The following RPS20 variants were observed in gnomAD, a reference collection of about 807,000 sequenced individuals.
The protein encoded by RPS20 is small ribosomal subunit protein uS10.
Under a neutral mutation model 15.3 loss-of-function variants are expected in RPS20, and 3 were observed. The observed-to-expected ratio is 0.20, with a 90% CI of 0.09 to 0.51. The LOEUF is 0.51. Among genes scored for constraint, RPS20 ranks in the 20% least tolerant of loss-of-function variants. RPS20 has a pLI of 0.96. For synonymous variants in RPS20, 62 were observed against 47.8 expected, an observed-to-expected ratio of 1.30 and a Z score of -1.23; for missense variants, 67 against 145.9, an observed-to-expected ratio of 0.46 and a Z score of 2.79.
downstream of RPS20, among the ~76,000 whole-genome samples, chr8:56,069,050 G>C (rs939098510): frequency 3.6e-5 from 5 of 139,694 alleles, no homozygotes; most frequent in Non-Finnish European, 7.4e-5. Flanking sequence ...CATGGGGTGA[G>C]TTCTTTTTAA....
chr8:56,068,238 T>C (rs908095210), downstream of RPS20: 1 of 152,166 alleles, frequency 6.6e-6, no homozygotes, highest in Non-Finnish European at 1.5e-5. Context: ...TGAAAAATAA[T>C]CAATACAAGT....
chr8:56,071,439 G>C (rs1054583164), downstream of RPS20, among the ~76,000 whole-genome samples: 1 of 152,180 alleles, frequency 6.6e-6, no homozygotes, highest in African/African-American at 2.4e-5. Flanking sequence ...TTTAAATTTA[G>C]CAATGTGGCA....
chr8:56,073,945 T>G, intron 2 of RPS20, 115 bp downstream of exon 2: 1 of 1,138,136 alleles, frequency 8.8e-7, no homozygotes, highest in Non-Finnish European at 1.3e-6. Context: ...CTTTACTTTT[T>G]TAAGTAACTT....
At position 56,073,857 on chromosome 8, in the gene RPS20, A is replaced by C. The variant is rs147903282; in HGVS notation, c.104-89T>G. The C allele has an allele frequency of 2.3e-5, 29 of 1,288,356 alleles. No homozygotes were observed. The African/African-American group carries it at 3.4e-4, about 15-fold the overall frequency. The allele number at this position is 1,288,356 out of a possible 1,614,324, so 79.8% of individuals were successfully genotyped here. A position where few individuals can be genotyped will look rare whatever the true frequency, so the allele number is the denominator to read the frequency against. Reference sequence around the variant, plus strand: ...TTCTGCTGGCTCAGAATAGCGTATAAAATTATCACCGTTACTCAACACAAT... The same window carrying C: ...TTCTGCTGGCTCAGAATAGCGTATACAATTATCACCGTTACTCAACACAAT... On this transcript the variant is annotated intron_variant, in intron 2 of 3. Coordinates refer to ENST00000009589, the MANE Select transcript of RPS20 (RefSeq NM_001023.4).
Position 56,074,483 on chromosome 8 carries a change from T to TAG in RPS20, c.-101_-100insCT. On this transcript the variant is annotated 5_prime_UTR_variant, in exon 1 of 4. Coordinates refer to ENST00000009589, the MANE Select transcript of RPS20 (RefSeq NM_001023.4). ...GTGCGGACCAAAAATCCTCAGCCCT[T>TAG]ACGACCGCGTCTTCCTCAAAAAGAA... 1 of 1,313,674 alleles carries TAG rather than the reference T, an allele frequency of 7.6e-7. No homozygotes were observed. The highest frequency in any genetic ancestry group is 1.0e-6 in the Non-Finnish European group (1 of 957,914). 81.4% of individuals were successfully genotyped at this position (1,313,674 alleles called of 1,614,324 possible).
chr8:56,073,794 T>C, intron 2 of RPS20, 26 bp from the exon 3 acceptor site: 1 of 1,605,818 alleles, frequency 6.2e-7, no homozygotes, highest in Non-Finnish European at 8.5e-7. Context: ...GACCTCTCAG[T>C]ATAATCGAAA....
downstream of RPS20, among the ~76,000 whole-genome samples, chr8:56,070,672 C>T (rs552648444): frequency 4.5e-4 from 67 of 150,360 alleles, no homozygotes; most frequent in Admixed American, 1.1e-3. Flanking sequence ...AAGGCTGCAG[C>T]GAGCCATGTT....
exon 6 of RPS20, chr8:56,067,596 G>C (rs966486612): frequency 1.3e-5 from 2 of 151,772 alleles, no homozygotes; most frequent in Non-Finnish European, 2.9e-5. Flanking sequence ...TGAGGCAGGA[G>C]AATGGCATGA....
chr8:56,074,500 CA>C lies in RPS20; in HGVS notation c.-118del, dbSNP rs891994266. 116 of 1,181,450 alleles carry C rather than the reference CA, an allele frequency of 9.8e-5. No individual in the cohort carries two copies. The highest frequency in any genetic ancestry group is 7.6e-5 in the Non-Finnish European group (64 of 843,812). The allele number at this position is 1,181,450 out of a possible 1,614,324, so 73.2% of individuals were successfully genotyped here. On this transcript the variant is annotated 5_prime_UTR_variant, in exon 1 of 4. Transcript: ENST00000009589. Reference sequence around the variant, plus strand: ...TCAGCCCTTACGACCGCGTCTTCCTCAAAAAGAAAGGGGTGGGACTTGAGCA... The same window carrying C: ...TCAGCCCTTACGACCGCGTCTTCCTCAAAAGAAAGGGGTGGGACTTGAGCA...
At chr8:56,069,605 C>A, downstream of RPS20, 1 of 876,450 alleles carries the variant, frequency 1.1e-6, no homozygotes, top group Non-Finnish European at 1.8e-6. Flanking sequence ...AGCCATAGTT[C>A]CTCTTACTTT....
intron 2 of RPS20, 62 bp downstream of exon 2, chr8:56,073,998 C>G: frequency 7.6e-7 from 1 of 1,316,310 alleles, no homozygotes; most frequent in Non-Finnish European, 1.1e-6. Flanking sequence ...CTAACATTAA[C>G]GAGTAAAGCT....
chr8:56,073,569 G>T, intron 3 of RPS20, 126 bp downstream of exon 3: 2 of 790,628 alleles, frequency 2.5e-6, no homozygotes, highest in Non-Finnish European at 4.5e-6. Flanking sequence ...ATCTACCACC[G>T]ATTTCTATGT....
At chr8:56,073,366 T>A (rs1049066812) in intron 3 of RPS20, 94 bp from the exon 4 acceptor site, 1 of 849,588 alleles carries the variant, frequency 1.2e-6, no homozygotes, top group African/African-American at 1.7e-5. Flanking sequence ...TTTCATTAGT[T>A]TCCCTTTGGT....
chr8:56,069,863 TTG>T (rs1809705223), downstream of RPS20: 5 of 1,081,636 alleles, frequency 4.6e-6, no homozygotes, highest in East Asian at 1.0e-4. Flanking sequence ...AGAAAAAAAA[TTG>T]TCTCTACTGC....
rs568893247 is a variant in RPS20, at chr8:56,074,044, T to A, written c.103+16A>T. The A allele has an allele frequency of 6.3e-7, 1 of 1,589,450 alleles. No homozygotes were observed. Among genetic ancestry groups the A allele is most frequent in the East Asian group, 2.2e-5 (1 of 44,732 alleles). On this transcript the variant is annotated intron_variant, in intron 2 of 3. Transcript: ENST00000009589. ...CGCCCAATTCCCCCTCCCCCCCGCA[T>A]AACGAATGCACTGACCCTTTTCCAA... is the stretch of plus-strand genomic sequence containing the variant.
chr8:56,074,286 C>A, intron 1 of RPS20, 95 bp downstream of exon 1: 2 of 1,537,942 alleles, frequency 1.3e-6, no homozygotes, highest in Non-Finnish European at 1.8e-6. Flanking sequence ...CCCTACACGC[C>A]CCGGCATCTG....
Position 56,073,099 on chromosome 8 carries a change from T to G in RPS20, c.351A>C (p.Ala117=). 1 of 1,595,108 alleles carries G rather than the reference T, an allele frequency of 6.3e-7. No homozygotes were observed. The highest frequency in any genetic ancestry group is 8.5e-7 in the Non-Finnish European group (1 of 1,178,410). Reference sequence around the variant, plus strand: ...TATTAAAATAGTTGACTTAAGCATCTGCAATGGTGACTTCCACCTCAACTC... The same window carrying G: ...TATTAAAATAGTTGACTTAAGCATCGGCAATGGTGACTTCCACCTCAACTC... ...EPGVEVEVTI[A]DA Residue 117 remains alanine (A), a synonymous_variant, in exon 4 of 4, where the codon GCA becomes GCC. Transcript: ENST00000009589.
chr8:56,072,975 C>T, downstream of RPS20: 9 of 1,456,822 alleles, frequency 6.2e-6, no homozygotes, highest in South Asian at 8.7e-5. Flanking sequence ...CCATATATTC[C>T]ACCTGAAAAG....
chr8:56,068,695 T>C (rs1466333978), downstream of RPS20, among the ~76,000 whole-genome samples: 1 of 151,384 alleles, frequency 6.6e-6, no homozygotes, highest in Non-Finnish European at 1.5e-5. Context: ...ACCAGATATA[T>C]GATATTGTAC....
Sources: allele counts gnomAD v4.1 joint callset (sites outside exome capture counted in the v4.1 genomes callset), GRCh38; gene constraint gnomAD v4.1.1; transcripts MANE v1.5; gene names NCBI Gene and HGNC (gene_info 2026-07-23, HGNC 2026-07-21).